NLRP2: variants seen among roughly 807,000 people sequenced by gnomAD.
NLRP2 encodes the protein NLR family pyrin domain containing 2.
A neutral mutation model predicts 97.2 loss-of-function variants in NLRP2; 107 were observed. The ratio of observed to expected loss-of-function variants is 1.10; its 90% confidence interval spans 0.94 to 1.29. NLRP2 has a LOEUF of 1.29. Ranked by LOEUF, NLRP2 falls within the 50% of genes most tolerant of loss-of-function variation. The pLI, the probability that NLRP2 is intolerant of heterozygous loss-of-function variation, is 0.00. For missense variants in NLRP2, 1,495 were observed against 1,330.3 expected, an observed-to-expected ratio of 1.12 and a Z score of -1.93; for synonymous variants, 663 against 551.5, an observed-to-expected ratio of 1.20 and a Z score of -2.83.
chr19:54,977,628 A>C (rs2071326337), intron 3 of NLRP2, 124 bp from the exon 4 acceptor site: 1 of 895,154 alleles, frequency 1.1e-6, no homozygotes, highest in South Asian at 1.3e-5. Flanking sequence ...CCAGTACCTT[A>C]TCAACGTCCT....
rs762005489 is a variant in NLRP2 at position 54,983,166 on chromosome 19, C to T, written c.1468C>T (p.Arg490Cys). The stretch of plus-strand genomic sequence containing the variant: ...TCTGTTCCTGGACGGAGACATCCTC[C>T]GCCAGGACAGAGTCTCCAAAGGCTG... ...LRLFLDGDIL[R>C]QDRVSKGCYS... The change falls in exon 6 of 13, where the codon CGC becomes TGC. Residue 490 changes from arginine to cysteine, a missense_variant. Transcript: ENST00000448584. 99 of 1,613,872 alleles carry T rather than the reference C, an allele frequency of 6.1e-5. No individual in the cohort carries two copies. In the Admixed American group the frequency reaches 8.7e-4, roughly 14 times the overall value.
Position 54,983,365 on chromosome 19 carries a change from ACTC to A in NLRP2, c.1670_1672del (p.Ser557del), listed in dbSNP as rs1171746470. 6.2e-7 allele frequency: 1 copy of A among 1,613,918 alleles called. No homozygotes were observed. The highest frequency in any genetic ancestry group is 1.3e-5 in the African/African-American group (1 of 74,892). ...CCCGACCTGATCCAAGCAGGCTACT[ACTC>A]CTTTGGCCTCGCTAACGAGAAGAGA... On this transcript the variant is annotated inframe_deletion, in exon 6 of 13. Coordinates refer to ENST00000448584, the MANE Select transcript of NLRP2 (RefSeq NM_017852.5).
At chr19:54,976,860 G>C in intron 3 of NLRP2, 1 of 358,164 alleles carries the variant, frequency 2.8e-6, no homozygotes, top group South Asian at 1.8e-5. Context: ...CTTTTGCCAG[G>C]CTGAAGTGCA....
intron 8 of NLRP2, among the ~76,000 whole-genome samples, chr19:54,989,224 G>A (rs1381102093): frequency 1.3e-5 from 2 of 151,918 alleles, no homozygotes; most frequent in Non-Finnish European, 2.9e-5. Context: ...CCAAAGTGCT[G>A]GGATTACAGG....
Position 54,997,352 on chromosome 19 carries a change from A to G in NLRP2, c.2915A>G (p.Glu972Gly). ...TGTTCCATCCCTCCGTTCAGTTGTG[A>G]AGACCTCTGCTCTGCCCTCAGCTGC... ...WGCSIPPFSC[E>G]DLCSALSCNQ... Residue 972 changes from glutamate (E) to glycine (G), a missense_variant, in exon 12 of 13, where the codon GAA (glutamate) becomes GGA (glycine). Glu to Gly is a moderately conservative substitution (Grantham distance 98, BLOSUM62 -2). Coordinates refer to ENST00000448584, the MANE Select transcript of NLRP2 (RefSeq NM_017852.5). 6.2e-7 allele frequency: 1 copy of G among 1,613,998 alleles called. No homozygotes were observed. Among genetic ancestry groups the G allele is most frequent in the Non-Finnish European group, 8.5e-7 (1 of 1,180,024 alleles).
At chr19:54,968,068 G>A (rs904441632) in intron 1 of NLRP2, among the ~76,000 whole-genome samples, 8 of 151,860 alleles carry the variant, frequency 5.3e-5, no homozygotes, top group African/African-American at 1.9e-4. Context: ...ACAGCCGCCT[G>A]TCACCAACCT....
Position 55,000,270 on chromosome 19 carries a change from C to CTTTTTTTTTT in NLRP2, c.3051-460_3051-451dup, listed in dbSNP as rs1157138794. ...CCAGCTTGGGCAACAGAGAGACTGT[C>CTTTTTTTTTT]TTTTTTTTTTTTTTTTTTTTTTTTT... On this transcript the variant is annotated intron_variant, in intron 12 of 12. Transcript: ENST00000448584. Among the ~76,000 whole-genome samples the CTTTTTTTTTT allele has an allele frequency of 6.9e-4, 25 of 36,026 alleles. 7 individuals are homozygous for CTTTTTTTTTT. Among genetic ancestry groups the CTTTTTTTTTT allele is most frequent in the Non-Finnish European group, 7.7e-4 (16 of 20,646 alleles). 23.6% of individuals were successfully genotyped at this position (36,026 alleles called of 152,430 possible). A position where few individuals can be genotyped will look rare whatever the true frequency, so the allele number is the denominator to read the frequency against.
At chr19:54,972,578 A>G (rs182376481) in intron 2 of NLRP2, among the ~76,000 whole-genome samples, 1 of 152,068 alleles carries the variant, frequency 6.6e-6, no homozygotes, top group East Asian at 1.9e-4. Flanking sequence ...AGACTTGAGC[A>G]ATCCTACCAC....
At chr19:54,989,215 C>T (rs891072236) in intron 8 of NLRP2, among the ~76,000 whole-genome samples, 3 of 151,878 alleles carry the variant, frequency 2.0e-5, no homozygotes, top group Non-Finnish European at 4.4e-5. Flanking sequence ...CTCGGCCTCC[C>T]AAAGTGCTGG....
chr19:54,998,611 CT>C (rs375510249), intron 12 of NLRP2, among the ~76,000 whole-genome samples: 5,713 of 41,976 alleles, frequency 0.14, 116 homozygotes, highest in Middle Eastern at 0.17. Context: ...CATCTTTTTT[CT>C]TTTTTTTTTT....
chr19:54,990,340 TTTG>T, intron 9 of NLRP2, 148 bp downstream of exon 9: 1 of 1,136,492 alleles, frequency 8.8e-7, no homozygotes, highest in Non-Finnish European at 1.3e-6. Context: ...GCCTGTGAAT[TTTG>T]TTCTTCTCTC....
At chr19:54,970,764 C>T (rs1173870432) in intron 2 of NLRP2, among the ~76,000 whole-genome samples, 6 of 123,234 alleles carry the variant, frequency 4.9e-5, no homozygotes, top group African/African-American at 1.4e-4. Context: ...TATTTTCTAC[C>T]TACTTCTTTT....
intron 3 of NLRP2, 70 bp from the exon 4 acceptor site, chr19:54,977,682 C>G (rs370261441): frequency 1.4e-5 from 21 of 1,474,910 alleles, no homozygotes; most frequent in East Asian, 6.8e-5. Flanking sequence ...CTCAGGGGTC[C>G]AACTTGAGCC....
At chr19:54,991,821 C>T (rs546865100) in intron 10 of NLRP2, among the ~76,000 whole-genome samples, 58 of 149,002 alleles carry the variant, frequency 3.9e-4, no homozygotes, top group Admixed American at 1.0e-3. Flanking sequence ...CGAGATCGTG[C>T]CAGCCTGGGT....
chr19:54,987,092 C>T (rs986021486), intron 8 of NLRP2, among the ~76,000 whole-genome samples: 1 of 151,674 alleles, frequency 6.6e-6, no homozygotes, highest in African/African-American at 2.4e-5. Flanking sequence ...ACCACATTGG[C>T]CAGGCTGGTC....
intron 4 of NLRP2, among the ~76,000 whole-genome samples, chr19:54,978,988 GTT>G (rs887625555): frequency 2.6e-5 from 4 of 151,080 alleles, no homozygotes; most frequent in Non-Finnish European, 5.9e-5. Flanking sequence ...GGTTTTTTCT[GTT>G]TTTTTTGTTT....
Position 54,974,598 on chromosome 19 carries a change from G to A in NLRP2, c.325+54G>A. 10 of 1,258,740 alleles carry A rather than the reference G, an allele frequency of 7.9e-6. No individual in the cohort carries two copies. The East Asian group carries it at 2.3e-4, about 29-fold the overall frequency. 78.0% of individuals were successfully genotyped at this position (1,258,740 alleles called of 1,614,324 possible). On this transcript the variant is annotated intron_variant, in intron 3 of 12. Coordinates refer to ENST00000448584, the MANE Select transcript of NLRP2 (RefSeq NM_017852.5). ...CTTCATGTGAGATCTGGGGACTCGG[G>A]CCTTTGTTTTAAGGAGAATGTGCTG... is the stretch of plus-strand genomic sequence containing the variant.
At chr19:54,973,437 G>C (rs766828872) in intron 2 of NLRP2, among the ~76,000 whole-genome samples, 1 of 148,958 alleles carries the variant, frequency 6.7e-6, no homozygotes, top group Non-Finnish European at 1.5e-5. Flanking sequence ...GTGCAATGGC[G>C]CGATCTCGGC....
intron 6 of NLRP2, among the ~76,000 whole-genome samples, chr19:54,984,311 G>A (rs2071873404): frequency 8.8e-6 from 1 of 113,638 alleles, no homozygotes; most frequent in African/African-American, 3.8e-5. Flanking sequence ...GCTAACTTAA[G>A]TGGGGGTTTT....
Sources: gnomAD v4.1 joint callset for allele counts (sites outside exome capture counted in the v4.1 genomes callset) on GRCh38, gnomAD v4.1.1 for gene constraint, MANE v1.5 for transcripts, NCBI Gene and HGNC (gene_info 2026-07-23, HGNC 2026-07-21) for gene names.